RAD18: variants seen among roughly 807,000 people sequenced by gnomAD.
The protein encoded by RAD18 is E3 ubiquitin-protein ligase RAD18.
In RAD18, 47 loss-of-function variants were observed where a neutral mutation model predicts 60.4. The observed-to-expected ratio is 0.78, with a 90% CI of 0.62 to 0.99. The LOEUF is 0.99. Ranked by LOEUF, RAD18 falls within the 50% of genes least tolerant of loss-of-function variation. RAD18 has a pLI of 0.00. For synonymous variants in RAD18, 225 were observed against 195.5 expected, an observed-to-expected ratio of 1.15 and a Z score of -1.26; for missense variants, 640 against 593.3, an observed-to-expected ratio of 1.08 and a Z score of -0.82.
At chr3:8,932,812 C>T (rs1311015365) in intron 7 of RAD18, among the ~76,000 whole-genome samples, 1 of 152,104 alleles carries the variant, frequency 6.6e-6, no homozygotes, top group African/African-American at 2.4e-5. Context: ...AAAATAAATG[C>T]ACTGGCTGGG....
At chr3:8,930,815 A>G (rs1302363622) in intron 7 of RAD18, among the ~76,000 whole-genome samples, 2 of 152,180 alleles carry the variant, frequency 1.3e-5, no homozygotes, top group Admixed American at 6.5e-5. Context: ...AAAAGAACAT[A>G]TATTGATGCA....
intron 1 of RAD18, among the ~76,000 whole-genome samples, chr3:8,962,379 T>C (rs1252638428): frequency 6.6e-6 from 1 of 152,226 alleles, no homozygotes; most frequent in African/African-American, 2.4e-5. Flanking sequence ...CTTCTCATCA[T>C]GCAGATATCT....
chr3:8,939,480 CT>C, intron 6 of RAD18, 73 bp downstream of exon 6: 1 of 1,231,668 alleles, frequency 8.1e-7, no homozygotes, highest in Non-Finnish European at 1.2e-6. Context: ...AAAAGGAATA[CT>C]GTAATTTTCC....
intron 7 of RAD18, among the ~76,000 whole-genome samples, chr3:8,931,342 C>A (rs983990666): frequency 6.6e-6 from 1 of 152,164 alleles, no homozygotes; most frequent in African/African-American, 2.4e-5. Context: ...GTAGACAGCA[C>A]TACTGAGAGA....
intron 7 of RAD18, among the ~76,000 whole-genome samples, chr3:8,916,678 T>C (rs11917768): frequency 0.04 from 6,043 of 152,038 alleles, 404 homozygotes; most frequent in African/African-American, 0.14. Context: ...AAAATAGAAA[T>C]GTTAGATATA....
intron 7 of RAD18, among the ~76,000 whole-genome samples, chr3:8,922,358 A>G (rs1940337980): frequency 6.6e-6 from 1 of 152,236 alleles, no homozygotes; most frequent in Non-Finnish European, 1.5e-5. Context: ...GCAGTCTGAG[A>G]TCAAACTGCA....
In RAD18 at chr3:8,899,018, T is replaced by G; in HGVS notation, c.1198A>C (p.Asn400His). The G allele has an allele frequency of 6.2e-7, 1 of 1,608,192 alleles. No homozygotes were observed. Among genetic ancestry groups the G allele is most frequent in the Non-Finnish European group, 8.5e-7 (1 of 1,176,780 alleles). ...GQEDNMTSVT[N>H]HFSQSKLDSP... Reference sequence around the variant, plus strand: ...TCCAGCTTTGATTGAGAAAAGTGGTTTGTTACTGAGGTCATATTATCTTCC... The same window carrying G: ...TCCAGCTTTGATTGAGAAAAGTGGTGTGTTACTGAGGTCATATTATCTTCC... The change falls in exon 11 of 13, where the codon AAC becomes CAC. Residue 400 changes from asparagine (N) to histidine (H), a missense_variant. Physicochemically the swap from Asn to His is moderately conservative, Grantham distance 68 (BLOSUM62 1). Coordinates refer to ENST00000264926, the MANE Select transcript of RAD18 (RefSeq NM_020165.4).
intron 7 of RAD18, among the ~76,000 whole-genome samples, chr3:8,926,752 C>A (rs958796039): frequency 1.3e-5 from 2 of 152,086 alleles, no homozygotes; most frequent in African/African-American, 2.4e-5. Flanking sequence ...AGAAATAATG[C>A]CGCATATCTA....
intron 7 of RAD18, among the ~76,000 whole-genome samples, chr3:8,922,431 G>C (rs1427355703): frequency 6.6e-6 from 1 of 152,218 alleles, no homozygotes; most frequent in Non-Finnish European, 1.5e-5. Flanking sequence ...GCTCAAACTG[G>C]GTGGAGCCCA....
chr3:8,902,530 A>C lies in RAD18; in HGVS notation c.1028-10T>G. 6.3e-7 allele frequency: 1 copy of C among 1,593,426 alleles called. No individual in the cohort carries two copies. Among genetic ancestry groups the C allele is most frequent in the South Asian group, 1.1e-5 (1 of 87,606 alleles). On this transcript the variant is annotated splice_polypyrimidine_tract_variant and intron_variant, in intron 9 of 12. Transcript: ENST00000264926. Reference sequence around the variant, plus strand: ...CTCTTATGTTTTTTACCTGAAATTCAAAAGATCTTCTCAGTAAAGCTAGGA... The same window carrying C: ...CTCTTATGTTTTTTACCTGAAATTCCAAAGATCTTCTCAGTAAAGCTAGGA...
intron 7 of RAD18, among the ~76,000 whole-genome samples, chr3:8,923,218 A>T (rs959372154): frequency 1.3e-5 from 2 of 152,216 alleles, no homozygotes; most frequent in African/African-American, 4.8e-5. Context: ...GAAGTCCTTA[A>T]ATGACCTGAT....
In RAD18 at chr3:8,920,278, C is replaced by CAAA. The variant is rs60504682; in HGVS notation, c.890-6561_890-6559dup. Reference sequence around the variant, plus strand: ...TGGACGACAGAGCGAGACTCCGTCTCAAAAAAAAAAAAAAAAAAAAGAAAA... The same window carrying CAAA: ...TGGACGACAGAGCGAGACTCCGTCTCAAAAAAAAAAAAAAAAAAAAAAAGAAAA... On this transcript the variant is annotated intron_variant, in intron 7 of 12. Transcript: ENST00000264926. 3.7e-3 allele frequency among the ~76,000 whole-genome samples: 259 copies of CAAA among 69,972 alleles called. 1 individual carries two copies. The highest frequency in any genetic ancestry group is 0.01 in the African/African-American group (237 of 22,690). The allele number at this position is 69,972 out of a possible 152,430, so 45.9% of individuals were successfully genotyped here. A position where few individuals can be genotyped will look rare whatever the true frequency, so the allele number is the denominator to read the frequency against.
chr3:8,922,102 G>A (rs1224972429), intron 7 of RAD18, among the ~76,000 whole-genome samples: 6 of 152,154 alleles, frequency 3.9e-5, no homozygotes, highest in African/African-American at 1.4e-4. Flanking sequence ...AGGACAGTGG[G>A]AGCGGTGCAC....
At chr3:8,950,589 C>G (rs1261247957) in intron 2 of RAD18, among the ~76,000 whole-genome samples, 1 of 152,096 alleles carries the variant, frequency 6.6e-6, no homozygotes, top group Non-Finnish European at 1.5e-5. Flanking sequence ...ACCTAAAGGC[C>G]TATTTACTGC....
intron 9 of RAD18, among the ~76,000 whole-genome samples, chr3:8,908,878 GCA>G (rs1209275030): frequency 6.6e-6 from 1 of 152,130 alleles, no homozygotes; most frequent in Non-Finnish European, 1.5e-5. Context: ...CCAGCTCCGA[GCA>G]CAGTGTCTGG....
intron 9 of RAD18, among the ~76,000 whole-genome samples, chr3:8,903,036 A>G (rs1239449508): frequency 2.0e-5 from 3 of 151,968 alleles, no homozygotes. Flanking sequence ...AAAAAAAAAA[A>G]ACAAAAAACA....
At chr3:8,914,491 G>A (rs1940161313) in intron 7 of RAD18, among the ~76,000 whole-genome samples, 1 of 152,172 alleles carries the variant, frequency 6.6e-6, no homozygotes, top group South Asian at 2.1e-4. Context: ...GGCATATGGG[G>A]AAATCAGTAA....
At chr3:8,947,673 G>A (rs1940858977) in intron 3 of RAD18, among the ~76,000 whole-genome samples, 1 of 152,234 alleles carries the variant, frequency 6.6e-6, no homozygotes, top group South Asian at 2.1e-4. Context: ...GGCACTAAGT[G>A]TTCAAGGAGA....
At chr3:8,936,585 TAAC>T (rs1278381455) in intron 6 of RAD18, among the ~76,000 whole-genome samples, 1 of 152,202 alleles carries the variant, frequency 6.6e-6, no homozygotes, top group African/African-American at 2.4e-5. Context: ...ATTAGATGCT[TAAC>T]AAAAATGTGC....
Sources: gnomAD v4.1 joint callset for allele counts (sites outside exome capture counted in the v4.1 genomes callset) on GRCh38, gnomAD v4.1.1 for gene constraint, MANE v1.5 for transcripts, NCBI Gene and HGNC (gene_info 2026-07-23, HGNC 2026-07-21) for gene names.